Variants in DNAH2 observed in about 807,000 individuals in gnomAD.
The protein encoded by DNAH2 is axonemal beta dynein heavy chain 2.
Under a neutral mutation model 523.5 loss-of-function variants are expected in DNAH2, and 323 were observed. The ratio of observed to expected loss-of-function variants is 0.62; its 90% confidence interval spans 0.56 to 0.68. The LOEUF is 0.68. Ranked by LOEUF, DNAH2 falls within the 30% of genes least tolerant of loss-of-function variation. The pLI is 0.00. For missense variants in DNAH2, 4,907 were observed against 5,701.5 expected, an observed-to-expected ratio of 0.86 and a Z score of 4.49; for synonymous variants, 2,093 against 2,177.4, an observed-to-expected ratio of 0.96 and a Z score of 1.08.
At chr17:7,799,327 G>A in intron 56 of DNAH2, 85 bp downstream of exon 56, 1 of 1,555,074 alleles carries the variant, frequency 6.4e-7, no homozygotes, top group Non-Finnish European at 8.7e-7. Flanking sequence ...GGAAATTAGT[G>A]TCAGGAATAA....
chr17:7,799,623 C>T (rs952384565), intron 56 of DNAH2, among the ~76,000 whole-genome samples: 2 of 151,990 alleles, frequency 1.3e-5, no homozygotes, highest in African/African-American at 4.8e-5. Flanking sequence ...GAGACCATGC[C>T]GGCTAACATG....
intron 78 of DNAH2, 31 bp downstream of exon 78, chr17:7,830,522 C>A: frequency 5.0e-6 from 8 of 1,611,008 alleles, no homozygotes; most frequent in Non-Finnish European, 6.8e-6. Context: ...CTCATCCCAG[C>A]CCTCTCTCCT....
At position 7,832,626 on chromosome 17, in the gene DNAH2, C is replaced by T. The variant is rs757325653; in HGVS notation, c.12774C>T (p.Ala4258=). The T allele has an allele frequency of 6.2e-7, 1 of 1,614,036 alleles. No homozygotes were observed. Among genetic ancestry groups the T allele is most frequent in the African/African-American group, 1.3e-5 (1 of 74,920 alleles). The change falls in exon 83 of 86, where the codon GCC becomes GCT. Residue 4258 remains alanine, a synonymous_variant. Coordinates refer to ENST00000572933, the MANE Select transcript of DNAH2 (RefSeq NM_020877.5). The surrounding 1 kb of genome is among the most constrained non-coding windows in gnomAD (Gnocchi z 4.3). ...TGGCTGCCTGGACCCGGGACTTGGC[C>T]ATGCGTGTGGAGCAGTTTGAGCTGT... The part of the protein sequence containing the change: ...KPLAAWTRDL[A]MRVEQFELWA...
intron 39 of DNAH2, among the ~76,000 whole-genome samples, chr17:7,783,506 A>C (rs1166827635): frequency 6.6e-6 from 1 of 152,062 alleles, no homozygotes; most frequent in Non-Finnish European, 1.5e-5. Context: ...GGGGCAAAAC[A>C]AAAACAAAAA....
chr17:7,743,663 C>CCAAA, intron 12 of DNAH2: 1 of 268,790 alleles, frequency 3.7e-6, no homozygotes, highest in Non-Finnish European at 7.1e-6. Flanking sequence ...GACCCTGCCT[C>CCAAA]AAAAACAAAA....
At chr17:7,819,521 T>C (rs2151328331) in intron 72 of DNAH2, 113 bp downstream of exon 72, 1 of 1,093,756 alleles carries the variant, frequency 9.1e-7, no homozygotes, top group Non-Finnish European at 1.4e-6. Flanking sequence ...CCGCTGTCCT[T>C]GGCATATGTC....
At chr17:7,816,479 T>C (rs536750254) in intron 63 of DNAH2, 92 bp from the exon 64 acceptor site, 2 of 1,433,110 alleles carry the variant, frequency 1.4e-6, no homozygotes, top group South Asian at 1.3e-5. Context: ...AGCTACAAAA[T>C]GGCAGCTACA....
chr17:7,754,601 C>G lies in DNAH2; in HGVS notation c.1905-2490C>G, dbSNP rs1270936138. On this transcript the variant is annotated intron_variant, in intron 12 of 85. Transcript: ENST00000572933. The surrounding 1 kb of genome is among the most constrained non-coding windows in gnomAD (Gnocchi z 4.6). ...CCATGAGTCCACGTGCCGAGGCTCT[C>G]AAGGCCCTCGTAAAGCCCAAGGAGG... 7 of 1,503,450 alleles carry G rather than the reference C, an allele frequency of 4.7e-6. No individual in the cohort carries two copies. Among genetic ancestry groups the G allele is most frequent in the Non-Finnish European group, 6.4e-6 (7 of 1,095,530 alleles). 93.1% of individuals were successfully genotyped at this position (1,503,450 alleles called of 1,614,324 possible). A position where few individuals can be genotyped will look rare whatever the true frequency, so the allele number is the denominator to read the frequency against.
intron 2 of DNAH2, among the ~76,000 whole-genome samples, chr17:7,721,004 C>CTTTTTTTTTTTTTTTTT (rs71159523): frequency 3.6e-5 from 4 of 109,728 alleles, no homozygotes; most frequent in Non-Finnish European, 7.4e-5. Context: ...TTCTTTCTTT[C>CTTTTTTTTTTTTTTTTT]TTTTTTTTTT....
Position 7,737,120 on chromosome 17 carries a change from A to G in DNAH2, c.1032A>G (p.Glu344=). ...TGACCTTTTTGTCAATCCTGAAGGA[A>G]CCTTACCAGGAGTTGGCTTTCATGA... ...SNLTFLSILK[E]PYQELAFMKP... is the part of the protein sequence containing the mutation. The change falls in exon 8 of 86, where the codon GAA becomes GAG. Residue 344 remains glutamate (E), a synonymous_variant. Transcript: ENST00000572933. 1 of 1,614,100 alleles carries G rather than the reference A, an allele frequency of 6.2e-7. No individual in the cohort carries two copies.
chr17:7,817,462 G>C (rs377467603), intron 65 of DNAH2, 47 bp downstream of exon 65: 13 of 1,613,248 alleles, frequency 8.1e-6, no homozygotes, highest in Non-Finnish European at 1.1e-5. Context: ...GACCAGGGCT[G>C]GGGGCAGGAC....
At position 7,770,647 on chromosome 17, in the gene DNAH2, G is replaced by A; in HGVS notation, c.4181+8G>A. On this transcript the variant is annotated splice_region_variant and intron_variant, in intron 26 of 85. Coordinates refer to ENST00000572933, the MANE Select transcript of DNAH2 (RefSeq NM_020877.5). ...GGGCCATCATCGGCTCAGGTCAGGG[G>A]AGCTGGGGCTCTAGGAGAATGGAGG... 6.2e-7 allele frequency: 1 copy of A among 1,614,146 alleles called. No homozygotes were observed. The highest frequency in any genetic ancestry group is 8.5e-7 in the Non-Finnish European group (1 of 1,179,998).
chr17:7,831,622 G>A lies in DNAH2; in HGVS notation c.12612-39G>A. 1 of 1,613,180 alleles carries A rather than the reference G, an allele frequency of 6.2e-7. No individual in the cohort carries two copies. Among genetic ancestry groups the A allele is most frequent in the Non-Finnish European group, 8.5e-7 (1 of 1,179,304 alleles). The stretch of plus-strand genomic sequence containing the variant: ...CTTCTGGCTAGAATGACGTTCCCAG[G>A]CCCACCTCATCTCTAACACTCCACC... On this transcript the variant is annotated intron_variant, in intron 81 of 85. Transcript: ENST00000572933. The surrounding 1 kb of genome is among the most constrained non-coding windows in gnomAD (Gnocchi z 4.2).
At position 7,719,758 on chromosome 17, in the gene DNAH2, G is replaced by A. The variant is rs2074540239; in HGVS notation, c.24G>A (p.Lys8=). ...CGATGTCCAGCAAAGCTGAGAAGAA[G>A]CAGCGATTGAGTGGCCGAGGAAGCT... is the stretch of plus-strand genomic sequence containing the variant. The part of the protein sequence containing the change: MSSKAEK[K]QRLSGRGSSQ... Residue 8 remains lysine (K), a synonymous_variant, in exon 2 of 86, where the codon AAG becomes AAA. Coordinates refer to ENST00000572933, the MANE Select transcript of DNAH2 (RefSeq NM_020877.5). The A allele has an allele frequency of 3.7e-6, 6 of 1,614,254 alleles. No homozygotes were observed. In the African/African-American group the frequency reaches 4.0e-5, roughly 11 times the overall value.
chr17:7,824,039 C>T (rs1163133790), intron 75 of DNAH2, 57 bp downstream of exon 75: 1 of 1,590,418 alleles, frequency 6.3e-7, no homozygotes, highest in African/African-American at 1.3e-5. Context: ...GCCTCCCTCG[C>T]TCTGTTTCAG....
intron 39 of DNAH2, among the ~76,000 whole-genome samples, chr17:7,784,020 T>C (rs1029822279): frequency 6.6e-6 from 1 of 152,098 alleles, no homozygotes; most frequent in African/African-American, 2.4e-5. Flanking sequence ...TTGATAATTA[T>C]TAGTAAATAA....
rs774630612 is a variant in DNAH2, at chr17:7,787,938, G to A, written c.6682G>A (p.Asp2228Asn). The A allele has an allele frequency of 1.2e-6, 2 of 1,614,094 alleles. No homozygotes were observed. The highest frequency in any genetic ancestry group is 1.7e-6 in the Non-Finnish European group (2 of 1,180,032). The change falls in exon 43 of 86, where the codon GAC becomes AAC. Residue 2228 changes from aspartate (D) to asparagine (N), a missense_variant. Around this residue, in one of 3 missense-constraint regions of DNAH2, gnomAD observed 2,806 missense variants for 3,190.8 expected, o/e 0.88. Coordinates refer to ENST00000572933, the MANE Select transcript of DNAH2 (RefSeq NM_020877.5). Reference sequence around the variant, plus strand: ...ATCCCGCTGCGGGATGGTCTACACTGACTACGCTGACCTGGGCTGGAAGCC... The same window carrying A: ...ATCCCGCTGCGGGATGGTCTACACTAACTACGCTGACCTGGGCTGGAAGCC... ...TVSRCGMVYT[D>N]YADLGWKPYV... is the part of the protein sequence containing the mutation.
At chr17:7,782,905 C>T (rs745495134) in intron 39 of DNAH2, among the ~76,000 whole-genome samples, 2 of 151,944 alleles carry the variant, frequency 1.3e-5, no homozygotes, top group Non-Finnish European at 2.9e-5. Flanking sequence ...AGGAACACAT[C>T]GTGAAAAGGA....
Position 7,831,496 on chromosome 17 carries a change from T to C in DNAH2, c.12566T>C (p.Leu4189Pro). The C allele has an allele frequency of 1.2e-6, 2 of 1,614,180 alleles. No individual in the cohort carries two copies. The stretch of plus-strand genomic sequence containing the variant: ...GACCCCTCCCCCCTCAATGTGGTCC[T>C]TCTGCAGGAGATCCAGAGATACAAC... ...ALDPSPLNVV[L>P]LQEIQRYNTL... Residue 4189 changes from leucine (L) to proline (P), a missense_variant, in exon 81 of 86, where the codon CTT (leucine) becomes CCT (proline). By Grantham distance (98) the Leu-to-Pro change is moderately conservative (BLOSUM62 -3). This residue lies in a region of DNAH2 where 1,851 missense variants were observed against 2,139.4 expected (regional missense o/e 0.87). Transcript: ENST00000572933. The surrounding 1 kb of genome is among the most constrained non-coding windows in gnomAD (Gnocchi z 4.2).
Sources: allele counts gnomAD v4.1 joint callset (sites outside exome capture counted in the v4.1 genomes callset), GRCh38; gene constraint gnomAD v4.1.1; regional missense constraint gnomAD v4.1.1; non-coding constraint Gnocchi (gnomAD v3.1); transcripts MANE v1.5; gene names NCBI Gene and HGNC (gene_info 2026-07-23, HGNC 2026-07-21).